Variants in TTR observed in about 807,000 individuals in gnomAD.
TTR encodes the protein transthyretin.
TTR carries 8 observed loss-of-function variants against 13.7 expected under a neutral mutation model. The ratio of observed to expected loss-of-function variants is 0.58; its 90% confidence interval spans 0.34 to 1.05. TTR has a LOEUF of 1.05. Among genes scored for constraint, TTR ranks in the 50% least tolerant of loss-of-function variants. TTR has a pLI of 0.02. For synonymous variants in TTR, 75 were observed against 71.7 expected (o/e 1.05, Z -0.23); for missense variants, 135 against 185.5 (o/e 0.73, Z 1.58).
intron 3 of TTR, 22 bp from the exon 4 acceptor site, chr18:31,598,546 A>C: frequency 6.2e-7 from 1 of 1,613,668 alleles, no homozygotes; most frequent in Non-Finnish European, 8.5e-7. Context: ...GTGGAAATGG[A>C]TCTGTCTGTC....
In TTR at chr18:31,598,731, G is replaced by T; in HGVS notation, c.*56G>T. 6.4e-7 allele frequency: 1 copy of T among 1,570,318 alleles called. No homozygotes were observed. ...GAGGGATGGGATTTCATGTAACCAA[G>T]AGTATTCCATTTTTACTAAAGCAGT... is the stretch of plus-strand genomic sequence containing the variant. On this transcript the variant is annotated 3_prime_UTR_variant, in exon 4 of 4. Coordinates refer to ENST00000237014, the MANE Select transcript of TTR (RefSeq NM_000371.4).
chr18:31,598,648 G>T lies in TTR; in HGVS notation c.417G>T (p.Thr139=). 6.2e-7 allele frequency: 1 copy of T among 1,614,100 alleles called. No homozygotes were observed. Among genetic ancestry groups the T allele is most frequent in the Non-Finnish European group, 8.5e-7 (1 of 1,180,026 alleles). Residue 139 remains threonine (T), a synonymous_variant, in exon 4 of 4, where the codon ACG becomes ACT. Coordinates refer to ENST00000237014, the MANE Select transcript of TTR (RefSeq NM_000371.4). ...ALLSPYSYST[T]AVVTNPKE ...TGAGCCCCTACTCCTATTCCACCAC[G>T]GCTGTCGTCACCAATCCCAAGGAAT...
At position 31,593,030 on chromosome 18, in the gene TTR, AG is replaced by A; in HGVS notation, c.200+5del. On this transcript the variant is annotated splice_donor_5th_base_variant and intron_variant, in intron 2 of 3. Coordinates refer to ENST00000237014, the MANE Select transcript of TTR (RefSeq NM_000371.4). Reference sequence around the variant, plus strand: ...CCTGGGAGCCATTTGCCTCTGGGTAAGTTGCCAAAGAACCCTCCCACAGGAC... The same window carrying A: ...CCTGGGAGCCATTTGCCTCTGGGTAATTGCCAAAGAACCCTCCCACAGGAC... 1.9e-6 allele frequency: 3 copies of A among 1,613,794 alleles called. No homozygotes were observed. Among genetic ancestry groups the A allele is most frequent in the Non-Finnish European group, 2.5e-6 (3 of 1,179,790 alleles).
chr18:31,592,108 T>C (rs1281390288), intron 1 of TTR, 137 bp downstream of exon 1: 1 of 853,684 alleles, frequency 1.2e-6, no homozygotes, highest in Non-Finnish European at 1.9e-6. Flanking sequence ...ATATAATTAA[T>C]TCAAACTTCA....
chr18:31,593,392 T>C (rs1375987638), intron 2 of TTR: 2 of 279,142 alleles, frequency 7.2e-6, no homozygotes, highest in Non-Finnish European at 1.4e-5. Flanking sequence ...ATATATGTGA[T>C]TTTAGGAGTT....
At chr18:31,593,147 C>T (rs1467426749) in intron 2 of TTR, 121 bp downstream of exon 2, 7 of 1,498,656 alleles carry the variant, frequency 4.7e-6, no homozygotes, top group South Asian at 1.2e-5. Flanking sequence ...AAAACGTAGG[C>T]AGAGGTCAAG....
chr18:31,592,779 T>C, intron 1 of TTR, 117 bp from the exon 2 acceptor site: 1 of 1,372,352 alleles, frequency 7.3e-7, no homozygotes, highest in Admixed American at 1.8e-5. Flanking sequence ...CTTACGTTCC[T>C]GATAATGGGA....
chr18:31,597,714 C>A (rs1293913279), intron 3 of TTR, among the ~76,000 whole-genome samples: 1 of 152,212 alleles, frequency 6.6e-6, no homozygotes, highest in East Asian at 1.9e-4. Context: ...CTACCTCTTT[C>A]CTGACCTCAA....
chr18:31,593,370 A>G (rs1327911632), intron 2 of TTR: 1 of 308,472 alleles, frequency 3.2e-6, no homozygotes, highest in Non-Finnish European at 6.3e-6. Context: ...AGATACACAC[A>G]CATACAAAAT....
chr18:31,593,090 TAGAG>T, intron 2 of TTR, 64 bp downstream of exon 2: 1 of 1,606,316 alleles, frequency 6.2e-7, no homozygotes, highest in Non-Finnish European at 8.5e-7. Flanking sequence ...CCTCACTTGG[TAGAG>T]AGAGGCTCAC....
intron 2 of TTR, 80 bp from the exon 3 acceptor site, chr18:31,595,040 T>C: frequency 6.9e-7 from 1 of 1,448,748 alleles, no homozygotes; most frequent in African/African-American, 1.4e-5. Context: ...TTATGTGTGT[T>C]AGTTGGTGGG....
chr18:31,596,708 T>A (rs1256655174), intron 3 of TTR, among the ~76,000 whole-genome samples: 2 of 148,846 alleles, frequency 1.3e-5, no homozygotes, highest in East Asian at 3.9e-4. Context: ...TGTGGAACAC[T>A]CTGCTAGATG....
Position 31,598,768 on chromosome 18 carries a change from A to G in TTR, c.*93A>G. 1 of 1,291,086 alleles carries G rather than the reference A, an allele frequency of 7.7e-7. No homozygotes were observed. The allele number at this position is 1,291,086 out of a possible 1,614,324, so 80.0% of individuals were successfully genotyped here. ...TTTACTAAAGCAGTGTTTTCACCTC[A>G]TATGCTATGTTAGAAGTCCAGGCAG... On this transcript the variant is annotated 3_prime_UTR_variant, in exon 4 of 4. Transcript: ENST00000237014.
At chr18:31,596,583 A>G (rs2073517761) in intron 3 of TTR, among the ~76,000 whole-genome samples, 1 of 152,150 alleles carries the variant, frequency 6.6e-6, no homozygotes, top group Non-Finnish European at 1.5e-5. Context: ...AAAAAGGTTC[A>G]CTGACATACT....
At chr18:31,594,678 A>G (rs2073506779) in intron 2 of TTR, among the ~76,000 whole-genome samples, 1 of 152,180 alleles carries the variant, frequency 6.6e-6, no homozygotes, top group African/African-American at 2.4e-5. Context: ...AGCCTGGCCA[A>G]CATGGCAAAA....
rs370628373 is a variant in TTR at position 31,595,273 on chromosome 18, C to T, written c.336+18C>T. The stretch of plus-strand genomic sequence containing the variant: ...ATGCAGAGGTGAGTATACAGACCTT[C>T]GAGGGTTGTTTTGGTTTTGGTTTTT... On this transcript the variant is annotated intron_variant, in intron 3 of 3. Coordinates refer to ENST00000237014, the MANE Select transcript of TTR (RefSeq NM_000371.4). 44 of 1,613,944 alleles carry T rather than the reference C, an allele frequency of 2.7e-5. No individual in the cohort carries two copies. The highest frequency in any genetic ancestry group is 5.5e-5 in the South Asian group (5 of 91,066).
intron 2 of TTR, 60 bp from the exon 3 acceptor site, chr18:31,595,060 C>A: frequency 1.3e-6 from 2 of 1,597,554 alleles, no homozygotes; most frequent in Non-Finnish European, 8.6e-7. Context: ...GGGTGTATTA[C>A]TTTGCCATGC....
chr18:31,592,071 G>C (rs2073489165), intron 1 of TTR, 100 bp downstream of exon 1: 2 of 1,175,378 alleles, frequency 1.7e-6, no homozygotes, highest in Non-Finnish European at 2.6e-6. Flanking sequence ...TTATTACTAG[G>C]GCAAGGGTAC....
At chr18:31,593,296 TG>T (rs1205003322) in intron 2 of TTR, 1 of 404,462 alleles carries the variant, frequency 2.5e-6, no homozygotes, top group African/African-American at 2.1e-5. Context: ...GCAACCCTTT[TG>T]GGTCACAGAA....
Sources: allele counts gnomAD v4.1 joint callset (sites outside exome capture counted in the v4.1 genomes callset), GRCh38; gene constraint gnomAD v4.1.1; transcripts MANE v1.5; gene names NCBI Gene and HGNC (gene_info 2026-07-23, HGNC 2026-07-21).